The following KCNH8 variants were observed in gnomAD, a reference collection of about 807,000 sequenced individuals.
KCNH8 encodes the protein potassium voltage-gated channel subfamily H member 8, also known as voltage-gated delayed rectifier potassium channel KCNH8.
In KCNH8, 70 loss-of-function variants were observed where a neutral mutation model predicts 103.6. That is an observed-to-expected ratio of 0.68 (90% CI 0.56 to 0.82). The LOEUF is 0.82. KCNH8 is among the 40% of genes least tolerant of loss of function. The pLI is 0.00. For synonymous variants in KCNH8, 498 were observed against 489.4 expected, an observed-to-expected ratio of 1.02 and a Z score of -0.23; for missense variants, 1,217 against 1,329.9, an observed-to-expected ratio of 0.92 and a Z score of 1.32.
chr3:19,160,541 T>C (rs2063223927), intron 1 of KCNH8, among the ~76,000 whole-genome samples: 1 of 152,136 alleles, frequency 6.6e-6, no homozygotes, highest in Non-Finnish European at 1.5e-5. Flanking sequence ...GCCTAAAATT[T>C]CCTTTGTTTA....
intron 2 of KCNH8, among the ~76,000 whole-genome samples, chr3:19,270,027 C>T (rs866933607): frequency 6.6e-6 from 1 of 152,104 alleles, no homozygotes; most frequent in Non-Finnish European, 1.5e-5. Flanking sequence ...ATATAGTCTT[C>T]TTAAATCTCC....
rs111892614 is a variant in KCNH8, at chr3:19,148,622, T to C, written c.-98T>C. 2,845 of 1,193,132 alleles carry C rather than the reference T, an allele frequency of 2.4e-3. 46 individuals are homozygous for C. In the African/African-American group the frequency reaches 0.035, roughly 15 times the overall value. The allele number at this position is 1,193,132 out of a possible 1,614,324, so 73.9% of individuals were successfully genotyped here. On this transcript the variant is annotated 5_prime_UTR_variant, in exon 1 of 16. Coordinates refer to ENST00000328405, the MANE Select transcript of KCNH8 (RefSeq NM_144633.3). ...GCCGTCAGGCCGGGTCCCCCTTCCC[T>C]GCCGTCATCAGGTTCCCCTTCTCCC...
At chr3:19,504,788 A>G (rs2068658702) in intron 11 of KCNH8, among the ~76,000 whole-genome samples, 1 of 152,034 alleles carries the variant, frequency 6.6e-6, no homozygotes, top group Non-Finnish European at 1.5e-5. Flanking sequence ...AGAGCTAAAA[A>G]CAGAACTACC....
In KCNH8 at chr3:19,533,475, A is replaced by T; in HGVS notation, c.2700A>T (p.Ser900=). 6.2e-7 allele frequency: 1 copy of T among 1,614,106 alleles called. No homozygotes were observed. Among genetic ancestry groups the T allele is most frequent in the Non-Finnish European group, 8.5e-7 (1 of 1,180,010 alleles). The change falls in exon 16 of 16, where the codon TCA becomes TCT. Residue 900 remains serine (S), a synonymous_variant. Transcript: ENST00000328405. The part of the protein sequence containing the change: ...NVIQLLENVL[S]PQQPSRFCSL... ...TCCAGCTTCTGGAAAACGTTCTGTC[A>T]CCTCAGCAGCCATCACGGTTTTGCT...
At chr3:19,435,376 T>C (rs567519377) in intron 7 of KCNH8, among the ~76,000 whole-genome samples, 214 of 152,312 alleles carry the variant, frequency 1.4e-3, no homozygotes, top group Non-Finnish European at 2.6e-3. Flanking sequence ...TTTGTGATTA[T>C]TAATGAAATA....
At position 19,534,031 on chromosome 3, in the gene KCNH8, G is replaced by A; in HGVS notation, c.3256G>A (p.Glu1086Lys). Residue 1086 changes from glutamate (E) to lysine (K), a missense_variant, in exon 16 of 16, where the codon GAG becomes AAG. Coordinates refer to ENST00000328405, the MANE Select transcript of KCNH8 (RefSeq NM_144633.3). ...GMASASTKPL[E>K]NLPLEVVTST... ...GGCATCAGCTTCTACAAAACCTTTG[G>A]AGAACCTTCCACTGGAAGTTGTCAC... 3.1e-6 allele frequency: 5 copies of A among 1,614,140 alleles called. No homozygotes were observed. The highest frequency in any genetic ancestry group is 4.2e-6 in the Non-Finnish European group (5 of 1,180,002).
intron 7 of KCNH8, among the ~76,000 whole-genome samples, chr3:19,401,227 A>T (rs2066608314): frequency 1.3e-5 from 2 of 151,988 alleles, no homozygotes; most frequent in Admixed American, 1.3e-4. Context: ...GGTCCTGCAC[A>T]CCGGACTGTG....
At chr3:19,500,266 G>C (rs1284096597) in intron 11 of KCNH8, among the ~76,000 whole-genome samples, 4 of 152,068 alleles carry the variant, frequency 2.6e-5, no homozygotes, top group Non-Finnish European at 5.9e-5. Flanking sequence ...CCCAATACAA[G>C]AGCACCCAGA....
chr3:19,362,269 C>A (rs1325240879), intron 5 of KCNH8, among the ~76,000 whole-genome samples: 1 of 152,056 alleles, frequency 6.6e-6, no homozygotes, highest in Non-Finnish European at 1.5e-5. Flanking sequence ...TGTTAGGCCC[C>A]AAAGCTTAAA....
intron 3 of KCNH8, among the ~76,000 whole-genome samples, chr3:19,310,554 A>C (rs990976427): frequency 1.4e-4 from 22 of 151,990 alleles, no homozygotes; most frequent in African/African-American, 5.3e-4. Flanking sequence ...CTCTGAGGAA[A>C]GACTGTGAGA....
intron 5 of KCNH8, among the ~76,000 whole-genome samples, chr3:19,356,544 TGTTA>T (rs1379638320): frequency 6.6e-6 from 1 of 152,066 alleles, no homozygotes; most frequent in Non-Finnish European, 1.5e-5. Flanking sequence ...CAAGGTTGCC[TGTTA>T]GTTACAAAGT....
intron 11 of KCNH8, among the ~76,000 whole-genome samples, chr3:19,486,145 A>G (rs1333959585): frequency 6.6e-6 from 1 of 152,214 alleles, no homozygotes; most frequent in African/African-American, 2.4e-5. Context: ...CCATCTACAT[A>G]TAACTCCCAG....
At chr3:19,418,505 T>C (rs971537937) in intron 7 of KCNH8, among the ~76,000 whole-genome samples, 2 of 152,150 alleles carry the variant, frequency 1.3e-5, no homozygotes, top group Admixed American at 6.5e-5. Flanking sequence ...TATTTAAACA[T>C]TGGCAAATAC....
intron 5 of KCNH8, among the ~76,000 whole-genome samples, chr3:19,356,051 G>A (rs889175747): frequency 1.3e-5 from 2 of 151,754 alleles, no homozygotes; most frequent in African/African-American, 4.8e-5. Context: ...GGAAGGATAG[G>A]TGTTCATAGA....
chr3:19,444,612 C>T (rs1328810189), intron 8 of KCNH8, among the ~76,000 whole-genome samples: 1 of 151,692 alleles, frequency 6.6e-6, no homozygotes, highest in Non-Finnish European at 1.5e-5. Context: ...AAAGGACTCT[C>T]ATCTACTATA....
At chr3:19,404,424 G>A (rs1456565177) in intron 7 of KCNH8, among the ~76,000 whole-genome samples, 1 of 151,928 alleles carries the variant, frequency 6.6e-6, no homozygotes, top group Non-Finnish European at 1.5e-5. Flanking sequence ...TCTCCAAGGA[G>A]TCTTTGTTTT....
At chr3:19,275,126 T>C (rs2064649426) in intron 2 of KCNH8, among the ~76,000 whole-genome samples, 1 of 151,446 alleles carries the variant, frequency 6.6e-6, no homozygotes, top group East Asian at 2.0e-4. Context: ...TCTTCATGCT[T>C]ATTCTAGAAA....
In KCNH8 at chr3:19,533,486, C is replaced by T; in HGVS notation, c.2711C>T (p.Pro904Leu). The part of the protein sequence containing the change: ...LLENVLSPQQ[P>L]SRFCSLHSTS... ...GAAAACGTTCTGTCACCTCAGCAGC[C>T]ATCACGGTTTTGCTCTTTGCACAGC... Residue 904 changes from proline to leucine, a missense_variant, in exon 16 of 16, where the codon CCA (proline) becomes CTA (leucine). Coordinates refer to ENST00000328405, the MANE Select transcript of KCNH8 (RefSeq NM_144633.3). 6.2e-7 allele frequency: 1 copy of T among 1,614,160 alleles called. No homozygotes were observed. Among genetic ancestry groups the T allele is most frequent in the Non-Finnish European group, 8.5e-7 (1 of 1,180,012 alleles).
At chr3:19,369,768 C>T (rs2066062424) in intron 5 of KCNH8, among the ~76,000 whole-genome samples, 1 of 151,858 alleles carries the variant, frequency 6.6e-6, no homozygotes, top group Non-Finnish European at 1.5e-5. Flanking sequence ...CTGTCTCTTC[C>T]TCCATCCCTT....
Sources: gnomAD v4.1 joint callset for allele counts (sites outside exome capture counted in the v4.1 genomes callset) on GRCh38, gnomAD v4.1.1 for gene constraint, MANE v1.5 for transcripts, NCBI Gene and HGNC (gene_info 2026-07-23, HGNC 2026-07-21) for gene names.